ZPBP: variants seen among roughly 807,000 people sequenced by gnomAD.
ZPBP encodes the protein zona pellucida binding protein, also known as zona pellucida-binding protein 1.
Under a neutral mutation model 44.8 loss-of-function variants are expected in ZPBP, and 26 were observed. That is an observed-to-expected ratio of 0.58 (90% CI 0.43 to 0.81). The LOEUF is 0.81. Ranked by LOEUF, ZPBP falls within the 30% of genes least tolerant of loss-of-function variation. The probability of loss-of-function intolerance (pLI) is 0.00; values close to 1 mark genes in which losing one functional copy is unlikely to be tolerated. For synonymous variants in ZPBP, 174 were observed against 153.2 expected (o/e 1.14, Z -1.00); for missense variants, 409 against 434.0 (o/e 0.94, Z 0.51).
chr7:49,854,441 A>C (rs1301371312), intron 2 of ZPBP, among the ~76,000 whole-genome samples: 1 of 151,888 alleles, frequency 6.6e-6, no homozygotes, highest in Non-Finnish European at 1.5e-5. Flanking sequence ...TGTGGTTTTG[A>C]TTTGCATTTC....
At chr7:50,051,294 C>T (rs1334865462) in intron 4 of ZPBP, among the ~76,000 whole-genome samples, 1 of 151,956 alleles carries the variant, frequency 6.6e-6, no homozygotes, top group East Asian at 1.9e-4. Flanking sequence ...CAGATGCTGT[C>T]GAGGTTGAGG....
At chr7:49,866,568 AT>A (rs1262797409) in intron 2 of ZPBP, among the ~76,000 whole-genome samples, 121 of 152,302 alleles carry the variant, frequency 7.9e-4, no homozygotes, top group African/African-American at 2.7e-3. Context: ...GGGCTTGCCC[AT>A]GTGACTCAGA....
intron 1 of ZPBP, chr7:49,917,105 CT>C (rs1793764078): frequency 6.6e-6 from 1 of 152,054 alleles, no homozygotes; most frequent in African/African-American, 2.4e-5. Context: ...GTGTTTTAAT[CT>C]TTCTACATAA....
intron 6 of ZPBP, among the ~76,000 whole-genome samples, chr7:50,004,511 A>G (rs1160735344): frequency 6.6e-6 from 1 of 152,096 alleles, no homozygotes; most frequent in Non-Finnish European, 1.5e-5. Context: ...CTGTGAGCCA[A>G]TCTTCCCTAA....
chr7:49,878,523 G>A (rs1427919781), intron 2 of ZPBP, among the ~76,000 whole-genome samples: 2 of 152,036 alleles, frequency 1.3e-5, no homozygotes, highest in Non-Finnish European at 2.9e-5. Flanking sequence ...AACTCTGAAG[G>A]TATTTTTTCA....
intron 2 of ZPBP, among the ~76,000 whole-genome samples, chr7:49,890,591 T>C (rs899304550): frequency 3.3e-5 from 5 of 152,212 alleles, no homozygotes; most frequent in Non-Finnish European, 7.4e-5. Flanking sequence ...TTGGGAATTG[T>C]TAGTCAAATA....
At chr7:50,089,539 A>G in intron 2 of ZPBP, 90 bp downstream of exon 2, 1 of 980,444 alleles carries the variant, frequency 1.0e-6, no homozygotes, top group Non-Finnish European at 1.6e-6. Context: ...ACTAGGATAA[A>G]TGAAGAGCAT....
chr7:49,933,658 T>A (rs1168726899), downstream of ZPBP, among the ~76,000 whole-genome samples: 1 of 152,026 alleles, frequency 6.6e-6, no homozygotes, highest in Non-Finnish European at 1.5e-5. Context: ...AACCCAAATG[T>A]CCAACAATGA....
chr7:49,930,287 C>T (rs1166857750), intron 1 of ZPBP, among the ~76,000 whole-genome samples: 5 of 152,144 alleles, frequency 3.3e-5, no homozygotes, highest in South Asian at 2.1e-4. Flanking sequence ...AACTGACACA[C>T]GTCTTCACCA....
chr7:49,896,233 C>G (rs1385254864), intron 2 of ZPBP, among the ~76,000 whole-genome samples: 2 of 152,046 alleles, frequency 1.3e-5, no homozygotes, highest in African/African-American at 4.8e-5. Flanking sequence ...CCCAGCTACT[C>G]AGGAGGCTGA....
chr7:49,845,855 G>C (rs1014557728), downstream of ZPBP, among the ~76,000 whole-genome samples: 1 of 152,206 alleles, frequency 6.6e-6, no homozygotes, highest in South Asian at 2.1e-4. Flanking sequence ...AAGGAAGAGC[G>C]AGTGAGTTAG....
At chr7:50,027,074 C>T (rs979164144) in intron 5 of ZPBP, among the ~76,000 whole-genome samples, 1 of 151,900 alleles carries the variant, frequency 6.6e-6, no homozygotes, top group Middle Eastern at 3.2e-3. Flanking sequence ...GTGCTCAACC[C>T]CCCCTCATAA....
In ZPBP at chr7:50,061,222, G is replaced by C. The variant is rs190974233; in HGVS notation, c.335-3081C>G. ...CCAACATCATACTAAACAGGCAAAA[G>C]CTAGAGGCATTTCCCCTTGAGAACC... On this transcript the variant is annotated intron_variant, in intron 3 of 7. Coordinates refer to ENST00000046087, the MANE Select transcript of ZPBP (RefSeq NM_007009.3). Among the ~76,000 whole-genome samples, 247 of 152,222 alleles carry C rather than the reference G, an allele frequency of 1.6e-3. 3 individuals carry two copies. Among genetic ancestry groups the C allele is most frequent in the African/African-American group, 5.6e-3 (231 of 41,536 alleles).
intron 7 of ZPBP, among the ~76,000 whole-genome samples, chr7:49,938,041 TC>T (rs1281817258): frequency 2.0e-5 from 3 of 152,260 alleles, no homozygotes; most frequent in African/African-American, 4.8e-5. Flanking sequence ...GCCATAATGC[TC>T]ACTTGCCCGC....
intron 6 of ZPBP, among the ~76,000 whole-genome samples, chr7:49,999,766 G>A (rs1322141070): frequency 1.3e-5 from 2 of 152,144 alleles, no homozygotes; most frequent in Admixed American, 1.3e-4. Context: ...CCACATTAGT[G>A]AGGGTAATCT....
intron 2 of ZPBP, among the ~76,000 whole-genome samples, chr7:49,867,406 C>T (rs746303394): frequency 1.3e-5 from 2 of 152,060 alleles, no homozygotes; most frequent in African/African-American, 4.8e-5. Flanking sequence ...ATCTGGAGGA[C>T]GAAGTAAGGG....
At chr7:49,993,106 C>T (rs1409931857) in intron 6 of ZPBP, among the ~76,000 whole-genome samples, 1 of 151,714 alleles carries the variant, frequency 6.6e-6, no homozygotes, top group East Asian at 1.9e-4. Flanking sequence ...AGCAAAACCA[C>T]TAAAATAAAT....
intron 7 of ZPBP, among the ~76,000 whole-genome samples, chr7:49,979,077 A>C (rs1251618634): frequency 6.6e-6 from 1 of 152,118 alleles, no homozygotes; most frequent in Middle Eastern, 3.2e-3. Flanking sequence ...AATCCAAAAA[A>C]TAAATTTTAT....
intron 2 of ZPBP, among the ~76,000 whole-genome samples, chr7:49,885,340 A>G (rs901985370): frequency 2.6e-5 from 4 of 152,130 alleles, no homozygotes; most frequent in Non-Finnish European, 5.9e-5. Context: ...ACCACAACCT[A>G]ATTTTTAAAA....
Sources: allele counts gnomAD v4.1 joint callset (sites outside exome capture counted in the v4.1 genomes callset), GRCh38; gene constraint gnomAD v4.1.1; transcripts MANE v1.5; gene names NCBI Gene and HGNC (gene_info 2026-07-23, HGNC 2026-07-21).